The following SUGCT variants were observed in gnomAD, a reference collection of about 807,000 sequenced individuals.
SUGCT encodes the protein succinyl-CoA:glutarate CoA-transferase.
In SUGCT, 41 loss-of-function variants were observed where a neutral mutation model predicts 55.0. The ratio of observed to expected loss-of-function variants is 0.74; its 90% confidence interval spans 0.58 to 0.97. The LOEUF is 0.97. SUGCT is among the 50% of genes least tolerant of loss of function. The pLI is 0.00. For missense variants in SUGCT, 568 were observed against 547.8 expected, an observed-to-expected ratio of 1.04 and a Z score of -0.37; for synonymous variants, 187 against 200.4, an observed-to-expected ratio of 0.93 and a Z score of 0.56.
At chr7:40,654,784 C>T (rs944585496) in intron 12 of SUGCT, among the ~76,000 whole-genome samples, 1 of 152,150 alleles carries the variant, frequency 6.6e-6, no homozygotes, top group Non-Finnish European at 1.5e-5. Flanking sequence ...CTGAAATCAT[C>T]TTTAGATGTC....
At chr7:40,553,535 T>G (rs1280093964) in intron 12 of SUGCT, among the ~76,000 whole-genome samples, 3 of 152,246 alleles carry the variant, frequency 2.0e-5, no homozygotes, top group African/African-American at 7.2e-5. Context: ...AAATCACAGC[T>G]AATCCATGTG....
chr7:40,600,261 A>G (rs915396877), intron 12 of SUGCT, among the ~76,000 whole-genome samples: 7 of 152,172 alleles, frequency 4.6e-5, no homozygotes, highest in South Asian at 2.1e-4. Context: ...GTGAATCCCA[A>G]TGTAGACTCA....
intron 12 of SUGCT, among the ~76,000 whole-genome samples, chr7:40,500,797 A>G (rs1792238780): frequency 6.6e-6 from 1 of 152,130 alleles, no homozygotes; most frequent in Non-Finnish European, 1.5e-5. Context: ...GCCAATGTTC[A>G]TATAGCAAAC....
chr7:40,480,133 T>C (rs940403263), intron 11 of SUGCT, among the ~76,000 whole-genome samples: 1 of 152,106 alleles, frequency 6.6e-6, no homozygotes, highest in African/African-American at 2.4e-5. Flanking sequence ...TCTTTTTCTA[T>C]TAGTTATATC....
chr7:40,241,847 G>A (rs1789414851), intron 7 of SUGCT, among the ~76,000 whole-genome samples: 2 of 148,564 alleles, frequency 1.3e-5, no homozygotes, highest in South Asian at 4.3e-4. Flanking sequence ...TTGAACCCAG[G>A]ATGCAGAGGT....
chr7:40,918,001 A>G, the SUGCT span, among the ~76,000 whole-genome samples: 69 of 152,266 alleles, frequency 4.5e-4, no homozygotes, highest in South Asian at 5.0e-3. Context: ...GAAGGCCTAG[A>G]TATAGGAGGG....
chr7:40,214,941 A>C (rs950395781), intron 6 of SUGCT, among the ~76,000 whole-genome samples: 1 of 151,816 alleles, frequency 6.6e-6, no homozygotes, highest in African/African-American at 2.4e-5. Context: ...GAAAGTGTGG[A>C]TAAAGAGGAA....
intron 11 of SUGCT, among the ~76,000 whole-genome samples, chr7:40,464,818 T>C (rs2151457651): frequency 6.6e-6 from 1 of 152,356 alleles, no homozygotes. Context: ...TGTGCAGCAG[T>C]AGTGAGCTGC....
At chr7:40,781,661 G>A (rs1186233761) in intron 13 of SUGCT, among the ~76,000 whole-genome samples, 3 of 152,058 alleles carry the variant, frequency 2.0e-5, no homozygotes, top group African/African-American at 4.8e-5. Context: ...AAAGTTCAGG[G>A]GTCTACTGAT....
At chr7:40,716,572 A>G (rs184951287) in intron 12 of SUGCT, among the ~76,000 whole-genome samples, 1 of 152,378 alleles carries the variant, frequency 6.6e-6, no homozygotes, top group East Asian at 1.9e-4. Flanking sequence ...AGAACTATTC[A>G]ATAAATATCA....
chr7:40,659,371 T>C (rs1412663108), intron 12 of SUGCT, among the ~76,000 whole-genome samples: 2 of 152,082 alleles, frequency 1.3e-5, no homozygotes, highest in African/African-American at 4.8e-5. Flanking sequence ...TGGGGCTCAC[T>C]ATGGGCAGAA....
the SUGCT span, among the ~76,000 whole-genome samples, chr7:40,865,826 C>A: frequency 6.6e-6 from 1 of 152,194 alleles, no homozygotes; most frequent in Non-Finnish European, 1.5e-5. Context: ...CAATGGCCTC[C>A]AGAAGGATGG....
the SUGCT span, among the ~76,000 whole-genome samples, chr7:40,989,375 A>T: frequency 2.4e-3 from 364 of 152,222 alleles, 6 homozygotes; most frequent in African/African-American, 8.4e-3. Flanking sequence ...AATTTATGTA[A>T]TTTTCTAAAT....
intron 9 of SUGCT, among the ~76,000 whole-genome samples, chr7:40,433,516 T>TAA (rs1448822170): frequency 2.6e-5 from 4 of 152,198 alleles, no homozygotes; most frequent in Admixed American, 6.6e-5. Flanking sequence ...TCTTTTGGTC[T>TAA]TACTTAGTTA....
intron 1 of SUGCT, among the ~76,000 whole-genome samples, chr7:40,137,375 C>T (rs1412524725): frequency 6.6e-6 from 1 of 152,130 alleles, no homozygotes; most frequent in Non-Finnish European, 1.5e-5. Context: ...TTCCTCTCTC[C>T]TGCCTTGGCC....
At chr7:40,606,447 C>T (rs373420804) in intron 12 of SUGCT, among the ~76,000 whole-genome samples, 22 of 152,050 alleles carry the variant, frequency 1.4e-4, no homozygotes, top group African/African-American at 3.9e-4. Flanking sequence ...TGCAAAAGGG[C>T]GAGATTTGGG....
chr7:40,964,228 C>G, the SUGCT span, among the ~76,000 whole-genome samples: 4 of 152,116 alleles, frequency 2.6e-5, no homozygotes, highest in African/African-American at 2.4e-5. Flanking sequence ...CTATGTAGCT[C>G]TTGATTGGAA....
chr7:40,839,345 T>G (rs529928806), intron 13 of SUGCT, among the ~76,000 whole-genome samples: 1 of 152,208 alleles, frequency 6.6e-6, no homozygotes, highest in South Asian at 2.1e-4. Context: ...TGGGTTCAAC[T>G]AATCTTCCCA....
At chr7:40,662,677 C>A (rs1801391993) in intron 12 of SUGCT, among the ~76,000 whole-genome samples, 1 of 152,192 alleles carries the variant, frequency 6.6e-6, no homozygotes, top group Non-Finnish European at 1.5e-5. Flanking sequence ...CATATACTGC[C>A]TCCTCAAGAA....
Sources: allele counts gnomAD v4.1 joint callset (sites outside exome capture counted in the v4.1 genomes callset), GRCh38; gene constraint gnomAD v4.1.1; transcripts MANE v1.5; gene names NCBI Gene and HGNC (gene_info 2026-07-23, HGNC 2026-07-21).